FRMPD2: variants seen among roughly 807,000 people sequenced by gnomAD.
FRMPD2 encodes the protein FERM and PDZ domain containing 2, also known as FERM and PDZ domain-containing protein 2.
In FRMPD2, 96 loss-of-function variants were observed where a neutral mutation model predicts 140.1. The observed-to-expected ratio is 0.69, with a 90% CI of 0.58 to 0.81. The LOEUF (loss-of-function observed/expected upper bound fraction) is 0.81. Ranked by LOEUF, FRMPD2 falls within the 40% of genes least tolerant of loss-of-function variation. The pLI is 0.00. For synonymous variants in FRMPD2, 449 were observed against 547.6 expected (o/e 0.82, Z 2.52); for missense variants, 1,240 against 1,447.4 (o/e 0.86, Z 2.32).
At chr10:48,188,019 G>A (rs896269054) in intron 16 of FRMPD2, among the ~76,000 whole-genome samples, 2 of 152,206 alleles carry the variant, frequency 1.3e-5, no homozygotes, top group Admixed American at 6.5e-5. Context: ...ACATTCAGAG[G>A]TGAGCAAAGT....
At chr10:48,159,187 C>T (rs1463313790) in intron 28 of FRMPD2, 1 of 456,146 alleles carries the variant, frequency 2.2e-6, no homozygotes, top group Non-Finnish European at 4.4e-6. Flanking sequence ...AGCCCCAGGT[C>T]TCTGCTCCTG....
At chr10:48,181,884 T>TCTTACACA (rs1838560029) in intron 20 of FRMPD2, among the ~76,000 whole-genome samples, 1 of 13,448 alleles carries the variant, frequency 7.4e-5, no homozygotes, top group African/African-American at 2.6e-4. Flanking sequence ...TATATGGCTC[T>TCTTACACA]CATACACACA....
intron 1 of FRMPD2, among the ~76,000 whole-genome samples, chr10:48,258,861 G>T (rs566892562): frequency 6.6e-6 from 1 of 152,230 alleles, no homozygotes; most frequent in South Asian, 2.1e-4. Flanking sequence ...TAAATAGAAG[G>T]TAATTATAAC....
At chr10:48,184,966 C>A in intron 18 of FRMPD2, 85 bp from the exon 19 acceptor site, 1 of 904,780 alleles carries the variant, frequency 1.1e-6, no homozygotes, top group Non-Finnish European at 1.7e-6. Context: ...CCTCATATCA[C>A]ACAGCTACCA....
intron 1 of FRMPD2, among the ~76,000 whole-genome samples, chr10:48,256,380 A>G (rs1840490604): frequency 6.6e-6 from 1 of 152,234 alleles, no homozygotes; most frequent in Non-Finnish European, 1.5e-5. Flanking sequence ...CTTCTGAAGA[A>G]GTAAGGATCT....
chr10:48,226,207 A>G (rs777523030), intron 10 of FRMPD2, among the ~76,000 whole-genome samples: 5 of 152,262 alleles, frequency 3.3e-5, no homozygotes, highest in African/African-American at 4.8e-5. Context: ...AATGGGGCAC[A>G]TATTTCAATT....
chr10:48,268,485 C>A (rs1366142693), intron 1 of FRMPD2, among the ~76,000 whole-genome samples: 1 of 152,136 alleles, frequency 6.6e-6, no homozygotes, highest in African/African-American at 2.4e-5. Flanking sequence ...TTTGTGATAG[C>A]CAAAAACTGT....
chr10:48,227,111 T>C (rs1839741278), intron 10 of FRMPD2, among the ~76,000 whole-genome samples: 1 of 152,178 alleles, frequency 6.6e-6, no homozygotes, highest in Admixed American at 6.5e-5. Context: ...AGGTAAAAAT[T>C]TTTTCTTGTC....
chr10:48,231,404 C>G (rs1416941871), intron 10 of FRMPD2, among the ~76,000 whole-genome samples: 31 of 152,244 alleles, frequency 2.0e-4, no homozygotes, highest in Non-Finnish European at 2.2e-4. Flanking sequence ...CAGCTCGCCA[C>G]TCACACAAGA....
chr10:48,262,411 T>C (rs1220011042), intron 1 of FRMPD2, among the ~76,000 whole-genome samples: 1 of 152,192 alleles, frequency 6.6e-6, no homozygotes, highest in Non-Finnish European at 1.5e-5. Context: ...GGGTATTACA[T>C]AATGATAGAG....
intron 1 of FRMPD2, among the ~76,000 whole-genome samples, chr10:48,255,844 C>T (rs930438035): frequency 5.9e-5 from 9 of 152,142 alleles, no homozygotes; most frequent in Admixed American, 2.6e-4. Context: ...TGGCAGATTC[C>T]AAGAACTGAG....
chr10:48,242,208 G>C lies in FRMPD2; in HGVS notation c.520C>G (p.Leu174Val). 1 of 1,614,140 alleles carries C rather than the reference G, an allele frequency of 6.2e-7. No homozygotes were observed. The highest frequency in any genetic ancestry group is 1.1e-5 in the South Asian group (1 of 91,054). Residue 174 changes from leucine to valine, a missense_variant, in exon 5 of 29, where the codon CTC becomes GTC. Leu to Val is a conservative substitution (Grantham distance 32). Transcript: ENST00000374201. ...AAGCCAACCAGCCTTCTGATGTGGA[G>C]ACCAGCAGGGGCTGGGTAGACAGAC... is the stretch of plus-strand genomic sequence containing the variant. ...EVSVYPAPAG[L>V]HIRRLVGLVL...
chr10:48,201,463 G>T (rs140725592), intron 14 of FRMPD2, 79 bp from the exon 15 acceptor site: 1 of 1,381,254 alleles, frequency 7.2e-7, no homozygotes, highest in Non-Finnish European at 1.0e-6. Context: ...GAAAATGCTC[G>T]GTCCCTTGGT....
chr10:48,203,255 G>A (rs974123715), intron 14 of FRMPD2, among the ~76,000 whole-genome samples: 1 of 152,096 alleles, frequency 6.6e-6, no homozygotes, highest in African/African-American at 2.4e-5. Flanking sequence ...GTGCTCCAAG[G>A]TATCAAACAC....
At position 48,185,574 on chromosome 10, in the gene FRMPD2, G is replaced by A. The variant is rs758019274; in HGVS notation, c.2338C>T (p.Arg780Cys). Residue 780 changes from arginine to cysteine, a missense_variant, in exon 18 of 29, where the codon CGT becomes TGT. Physicochemically the swap from Arg to Cys is radical, Grantham distance 180. Transcript: ENST00000374201. ...TTACCAAAACCACGATGTGGGTCAC[G>A]TTTCAGTGTCACACGTACAATTTCT... ...GREIVRVTLK[R>C]DPHRGFGFVI... The A allele has an allele frequency of 2.9e-5, 47 of 1,613,706 alleles. No homozygotes were observed. Among genetic ancestry groups the A allele is most frequent in the Non-Finnish European group, 3.6e-5 (42 of 1,179,760 alleles).
At chr10:48,239,834 T>C in intron 6 of FRMPD2, 142 bp from the exon 7 acceptor site, 1 of 621,910 alleles carries the variant, frequency 1.6e-6, no homozygotes, top group South Asian at 2.1e-5. Flanking sequence ...TGAATCTGTT[T>C]CCTCATGTAG....
rs770965844 is a variant in FRMPD2, at chr10:48,187,229, G to C, written c.2229C>G (p.Asp743Glu). The part of the protein sequence containing the change: ...ACVIQKPMTW[D>E]SLSGPPVQSM... ...TCTGAACAGGTGGTCCAGAGAGAGA[G>C]TCCCAGGTCATTGGCTTCTGGATCA... Residue 743 changes from aspartate (D) to glutamate (E), a missense_variant, in exon 17 of 29, where the codon GAC becomes GAG. Around this residue, in one of 6 missense-constraint regions of FRMPD2, gnomAD observed 1,161 missense variants for 1,055.9 expected, o/e 1.10. Transcript: ENST00000374201. 3 of 1,613,978 alleles carry C rather than the reference G, an allele frequency of 1.9e-6. No homozygotes were observed.
chr10:48,189,470 G>A (rs930056718), intron 16 of FRMPD2, among the ~76,000 whole-genome samples: 4 of 152,220 alleles, frequency 2.6e-5, no homozygotes, highest in Non-Finnish European at 2.9e-5. Flanking sequence ...CACTGGCGAT[G>A]GGGTCCTGCC....
intron 18 of FRMPD2, 93 bp downstream of exon 18, chr10:48,185,460 G>T: frequency 2.4e-6 from 2 of 835,668 alleles, no homozygotes; most frequent in East Asian, 2.4e-5. Flanking sequence ...GGATAGGAAA[G>T]GGGAGTAGGC....
Sources: allele counts gnomAD v4.1 joint callset (sites outside exome capture counted in the v4.1 genomes callset), GRCh38; gene constraint gnomAD v4.1.1; regional missense constraint gnomAD v4.1.1; transcripts MANE v1.5; gene names NCBI Gene and HGNC (gene_info 2026-07-23, HGNC 2026-07-21).